The following POLD1 variants were observed in gnomAD, a reference collection of about 807,000 sequenced individuals.
The protein encoded by POLD1 is DNA polymerase delta 1, catalytic subunit, also known as DNA polymerase delta catalytic subunit.
A neutral mutation model predicts 129.7 loss-of-function variants in POLD1; 79 were observed. The observed-to-expected ratio is 0.61, with a 90% CI of 0.51 to 0.73. The LOEUF (loss-of-function observed/expected upper bound fraction) is 0.73, where lower values mean the gene tolerates loss of function less well. Among genes scored for constraint, POLD1 ranks in the 30% least tolerant of loss-of-function variants. The pLI, the probability that POLD1 is intolerant of heterozygous loss-of-function variation, is 0.00. For missense variants in POLD1, 1,338 were observed against 1,595.8 expected (o/e 0.84, Z 2.75); for synonymous variants, 714 against 683.3 (o/e 1.04, Z -0.70).
At chr19:50,416,804 C>A in intron 24 of POLD1, 81 bp downstream of exon 24, 1 of 1,166,366 alleles carries the variant, frequency 8.6e-7, no homozygotes, top group Non-Finnish European at 1.2e-6. Flanking sequence ...CCCACCCCAT[C>A]GGCTGGCACT....
chr19:50,412,586 A>G (rs993337681), intron 17 of POLD1, among the ~76,000 whole-genome samples: 2 of 152,234 alleles, frequency 1.3e-5, no homozygotes, highest in East Asian at 1.9e-4. Flanking sequence ...CAGCTATATC[A>G]GTAATTACAC....
At chr19:50,385,768 A>AT (rs1233065003) in intron 1 of POLD1, among the ~76,000 whole-genome samples, 6 of 151,940 alleles carry the variant, frequency 3.9e-5, no homozygotes. Context: ...ACCTCAGGTG[A>AT]TCCACTTGCC....
At position 50,409,256 on chromosome 19, in the gene POLD1, G is replaced by T. The variant is rs761523994; in HGVS notation, c.2006+21G>T. The T allele has an allele frequency of 1.3e-6, 2 of 1,530,432 alleles. No homozygotes were observed. The highest frequency in any genetic ancestry group is 2.7e-5 in the African/African-American group (2 of 73,340). 94.8% of individuals were successfully genotyped at this position (1,530,432 alleles called of 1,614,324 possible). ...AAGAGGTGAGCCCTGGAGATCGCCT[G>T]CTTGGAGCTCAGACCTGTTGGGGCC... On this transcript the variant is annotated intron_variant, in intron 16 of 26. Transcript: ENST00000440232. The surrounding 1 kb of genome is among the most constrained non-coding windows in gnomAD (Gnocchi z 5.8).
rs2122383958 is a variant in POLD1, at chr19:50,409,509, T to C, written c.2007-10T>C. On this transcript the variant is annotated splice_polypyrimidine_tract_variant and intron_variant, in intron 16 of 26. Transcript: ENST00000440232. The surrounding 1 kb of genome is among the most constrained non-coding windows in gnomAD (Gnocchi z 5.8). ...CCGCCTGAGTGTGCTTTCCCCGTGT[T>C]CCCTCGCAGGGCCAAGGCCGAGCTG... 6.2e-7 allele frequency: 1 copy of C among 1,613,480 alleles called. No homozygotes were observed. The highest frequency in any genetic ancestry group is 8.5e-7 in the Non-Finnish European group (1 of 1,180,010).
At position 50,399,490 on chromosome 19, in the gene POLD1, T is replaced by A; in HGVS notation, c.316+6T>A. On this transcript the variant is annotated splice_donor_region_variant and intron_variant, in intron 3 of 26. Coordinates refer to ENST00000440232, the MANE Select transcript of POLD1 (RefSeq NM_002691.4). ...GGAGATTGACCATTATGTGGGTGAG[T>A]TTAGGGGTTATGGGTGAGTGCTGGG... 6.3e-7 allele frequency: 1 copy of A among 1,595,908 alleles called. No homozygotes were observed. The highest frequency in any genetic ancestry group is 1.3e-5 in the African/African-American group (1 of 74,550).
rs1601203286 is a variant in POLD1 at position 50,402,792 on chromosome 19, G to A, written c.970+51G>A. The A allele has an allele frequency of 1.3e-6, 2 of 1,550,238 alleles. 1 individual carries two copies. Among genetic ancestry groups the A allele is most frequent in the South Asian group, 2.4e-5 (2 of 83,746 alleles). On this transcript the variant is annotated intron_variant, in intron 8 of 26. Coordinates refer to ENST00000440232, the MANE Select transcript of POLD1 (RefSeq NM_002691.4). ...CCCGCCTCATTGATGTGCCAAGTCG[G>A]GGGTCGGAAAGGCAGGTCCGGTGGA...
chr19:50,406,708 C>T lies in POLD1; in HGVS notation c.1494+191C>T, dbSNP rs2038899302. On this transcript the variant is annotated intron_variant, in intron 12 of 26. Transcript: ENST00000440232. The surrounding 1 kb of genome is among the most constrained non-coding windows in gnomAD (Gnocchi z 5.5). ...AGATTTCTCTCCACTCCTGTGACCT[C>T]TGTCACTATGACCTTGTCTCTGCTT... is the stretch of plus-strand genomic sequence containing the variant. 6.6e-6 allele frequency among the ~76,000 whole-genome samples: 1 copy of T among 152,168 alleles called. No homozygotes were observed. The highest frequency in any genetic ancestry group is 6.5e-5 in the Admixed American group (1 of 15,274).
At position 50,406,516 on chromosome 19, in the gene POLD1, A is replaced by C; in HGVS notation, c.1493A>C (p.Gln498Pro). Residue 498 changes from glutamine to proline, a missense_variant and splice_region_variant, in exon 12 of 27, where the codon CAG becomes CCG. Physicochemically the swap from Gln to Pro is moderately conservative, Grantham distance 76 (BLOSUM62 -1). Around this residue, in one of 3 missense-constraint regions of POLD1, gnomAD observed 720 missense variants for 1,002.6 expected, o/e 0.72. Transcript: ENST00000440232. This position sits in a 1 kb window ranked among gnomAD's most constrained non-coding sequence, Gnocchi z 5.5. ...CAGCACAGCATCATCACCGACCTGCAGGTGCCTGCTGCCTCCCTGACCTCT... is the reference window on the plus strand; with the variant it reads ...CAGCACAGCATCATCACCGACCTGCCGGTGCCTGCTGCCTCCCTGACCTCT... ...DVQHSIITDLQNGNDQTRRRL... is the reference protein window; with the variant it reads ...DVQHSIITDLPNGNDQTRRRL... 6.4e-7 allele frequency: 1 copy of C among 1,571,178 alleles called. No individual in the cohort carries two copies. The highest frequency in any genetic ancestry group is 8.6e-7 in the Non-Finnish European group (1 of 1,156,772).
chr19:50,413,768 CAT>C lies in POLD1; in HGVS notation c.2278_2279del (p.Met760ValfsTer10), dbSNP rs777610488. On this transcript the variant is annotated frameshift_variant, in exon 19 of 27. Coordinates refer to ENST00000440232, the MANE Select transcript of POLD1 (RefSeq NM_002691.4). LOFTEE classifies it high-confidence loss of function. ...TGGTGTATGGTGACACTGACTCCGTCATGTGCCGATTCGGCGTGTCCTCGGTG... is the reference window on the plus strand; with the variant it reads ...TGGTGTATGGTGACACTGACTCCGTCGTGCCGATTCGGCGTGTCCTCGGTG... ...KVVYGDTDSVMCRFGVSSVAE... is the reference protein window; with the variant it reads ...KVVYGDTDSVXCRFGVSSVAE... 3 of 1,610,206 alleles carry C rather than the reference CAT, an allele frequency of 1.9e-6. No homozygotes were observed. The highest frequency in any genetic ancestry group is 2.5e-6 in the Non-Finnish European group (3 of 1,179,046).
chr19:50,416,106 C>T (rs1434952742), intron 22 of POLD1: 7 of 581,524 alleles, frequency 1.2e-5, no homozygotes, highest in Non-Finnish European at 1.8e-5. Flanking sequence ...TCCAGCTCTA[C>T]CCCCACCCCC....
At position 50,386,461 on chromosome 19, in the gene POLD1, G is replaced by A. The variant is rs1030698549; in HGVS notation, c.-2+2071G>A. Among the ~76,000 whole-genome samples the A allele has an allele frequency of 2.0e-5, 3 of 152,266 alleles. No homozygotes were observed. In the East Asian group the frequency reaches 5.8e-4, roughly 29 times the overall value. On this transcript the variant is annotated intron_variant, in intron 1 of 26. Transcript: ENST00000440232. ...CCTAAACTCATGTCTTGAAGTAACC[G>A]GACACTGTGCAGAGTGATGCTGGAG... is the stretch of plus-strand genomic sequence containing the variant.
chr19:50,400,852 A>G (rs1024992349), intron 3 of POLD1, among the ~76,000 whole-genome samples: 3 of 150,048 alleles, frequency 2.0e-5, no homozygotes, highest in Non-Finnish European at 4.4e-5. Context: ...ACCCGCCCCA[A>G]CTCCTGGCTA....
rs201212113 is a variant in POLD1, at chr19:50,409,147, A to G, written c.1918A>G (p.Thr640Ala). 12 of 1,612,998 alleles carry G rather than the reference A, an allele frequency of 7.4e-6. No homozygotes were observed. In the African/African-American group the frequency reaches 1.3e-4, roughly 18 times the overall value. Residue 640 changes from threonine to alanine, a missense_variant, in exon 16 of 27, where the codon ACC becomes GCC. This residue lies in a region of POLD1 where 720 missense variants were observed against 1,002.6 expected (regional missense o/e 0.72). Coordinates refer to ENST00000440232, the MANE Select transcript of POLD1 (RefSeq NM_002691.4). The surrounding 1 kb of genome is among the most constrained non-coding windows in gnomAD (Gnocchi z 5.8). ...LGLTEDQFIR[T>A]PTGDEFVKTS... ...CCTGACTGAGGATCAGTTCATCAGG[A>G]CCCCCACCGGGGACGAGTTTGTGAA... is the stretch of plus-strand genomic sequence containing the variant.
chr19:50,413,540 C>A lies in POLD1; in HGVS notation c.2250+19C>A, dbSNP rs2039164396. On this transcript the variant is annotated intron_variant, in intron 18 of 26. Transcript: ENST00000440232. ...TGCCAAGGTCGGGGGCTGCCCACCGCTGCCCTGAGATGGGCCCAGGGCAGG... is the reference window on the plus strand; with the variant it reads ...TGCCAAGGTCGGGGGCTGCCCACCGATGCCCTGAGATGGGCCCAGGGCAGG... 3 of 1,593,232 alleles carry A rather than the reference C, an allele frequency of 1.9e-6. No individual in the cohort carries two copies. The East Asian group carries it at 6.8e-5, about 36-fold the overall frequency.
rs1060504343 is a variant in POLD1, at chr19:50,417,277, C to A, written c.3218+8C>A. On this transcript the variant is annotated splice_region_variant and intron_variant, in intron 26 of 26. Coordinates refer to ENST00000440232, the MANE Select transcript of POLD1 (RefSeq NM_002691.4). ...GGACGTCATCTGCACCAGGTGTGTG[C>A]CATGTCCCGACCCTGGGCTGCCCCG... The A allele has an allele frequency of 6.4e-7, 1 of 1,571,518 alleles. No homozygotes were observed. The highest frequency in any genetic ancestry group is 8.6e-7 in the Non-Finnish European group (1 of 1,159,346).
chr19:50,402,244 T>C lies in POLD1; in HGVS notation c.629T>C (p.Leu210Pro). The C allele has an allele frequency of 6.3e-7, 1 of 1,596,098 alleles. No homozygotes were observed. The highest frequency in any genetic ancestry group is 8.5e-7 in the Non-Finnish European group (1 of 1,170,234). Residue 210 changes from leucine (L) to proline (P), a missense_variant, in exon 6 of 27, where the codon CTG becomes CCG. Transcript: ENST00000440232. ...GYHGHGPSPF[L>P]RITVALPRLV... ...CACGGGCACGGCCCCTCCCCGTTCCTGCGCATCACCGTGGCGCTGCCGCGC... is the reference window on the plus strand; with the variant it reads ...CACGGGCACGGCCCCTCCCCGTTCCCGCGCATCACCGTGGCGCTGCCGCGC...
intron 1 of POLD1, among the ~76,000 whole-genome samples, chr19:50,392,234 GTAATTTTTAATTTTTTGTAGAGATTGAC>G (rs1420674426): frequency 1.3e-5 from 2 of 151,894 alleles, no homozygotes; most frequent in Non-Finnish European, 2.9e-5. Context: ...CCATGCTTAA[GTAATTTTTAATTTTTTGTAGAGATTGAC>G]TAATTTTTAA....
intron 1 of POLD1, among the ~76,000 whole-genome samples, chr19:50,387,185 TG>T (rs2038000927): frequency 6.6e-6 from 1 of 152,042 alleles, no homozygotes; most frequent in Non-Finnish European, 1.5e-5. Flanking sequence ...CTGGACATGG[TG>T]GGCGCCTGTA....
At chr19:50,389,547 C>T (rs2546545) in intron 1 of POLD1, among the ~76,000 whole-genome samples, 7,939 of 151,894 alleles carry the variant, frequency 0.052, 696 homozygotes, top group African/African-American at 0.18. Context: ...AGATCTGCCA[C>T]GTGTCCCTGT....
Sources: allele counts gnomAD v4.1 joint callset (sites outside exome capture counted in the v4.1 genomes callset), GRCh38; gene constraint gnomAD v4.1.1; regional missense constraint gnomAD v4.1.1; non-coding constraint Gnocchi (gnomAD v3.1); transcripts MANE v1.5; gene names NCBI Gene and HGNC (gene_info 2026-07-23, HGNC 2026-07-21).